Variants in ATF7IP observed in about 807,000 individuals in gnomAD.
ATF7IP encodes the protein activating transcription factor 7 interacting protein.
Under a neutral mutation model 106.4 loss-of-function variants are expected in ATF7IP, and 23 were observed. The ratio of observed to expected loss-of-function variants is 0.22; its 90% CI spans 0.16 to 0.31. ATF7IP has a LOEUF of 0.31. ATF7IP is among the 10% of genes least tolerant of loss of function. The pLI is 1.00. For missense variants in ATF7IP, 1,334 were observed against 1,524.3 expected (o/e 0.88, Z 2.08); for synonymous variants, 542 against 539.0 (o/e 1.01, Z -0.08).
chr12:14,390,112 G>A lies in ATF7IP; in HGVS notation c.-8+24285G>A, dbSNP rs115880195. ...TCCTCTTCACTGAATCACGTTACCTGCGTGGCCTTGGAAGACAGTTCCTTT... is the reference window on the plus strand; with the variant it reads ...TCCTCTTCACTGAATCACGTTACCTACGTGGCCTTGGAAGACAGTTCCTTT... On this transcript the variant is annotated intron_variant, in intron 1 of 14. Coordinates refer to ENST00000261168, the MANE Select transcript of ATF7IP (RefSeq NM_018179.5). 4.3e-3 allele frequency among the ~76,000 whole-genome samples: 659 copies of A among 152,258 alleles called. 3 individuals carry two copies. Among genetic ancestry groups the A allele is most frequent in the African/African-American group, 0.015 (634 of 41,514 alleles).
intron 5 of ATF7IP, among the ~76,000 whole-genome samples, chr12:14,438,942 G>C (rs1055477698): frequency 5.9e-5 from 9 of 152,084 alleles, no homozygotes; most frequent in African/African-American, 2.2e-4. Context: ...GCTATAATAA[G>C]TACTAAATAA....
intron 1 of ATF7IP, among the ~76,000 whole-genome samples, chr12:14,401,805 C>T (rs1364735346): frequency 6.8e-6 from 1 of 147,942 alleles, no homozygotes; most frequent in Non-Finnish European, 1.5e-5. Flanking sequence ...TCTCCACCTC[C>T]TGGGTTCAAG....
At chr12:14,467,427 A>G (rs545288692) in intron 10 of ATF7IP, among the ~76,000 whole-genome samples, 2 of 152,302 alleles carry the variant, frequency 1.3e-5, no homozygotes, top group South Asian at 4.1e-4. Flanking sequence ...GCTATTAAAA[A>G]TATCTTAACT....
At chr12:14,429,759 A>G (rs771518791) in intron 2 of ATF7IP, among the ~76,000 whole-genome samples, 2 of 152,182 alleles carry the variant, frequency 1.3e-5, no homozygotes, top group Non-Finnish European at 2.9e-5. Flanking sequence ...ATCCATTTAT[A>G]TTTAGCTGTT....
chr12:14,473,602 T>C (rs892059796), intron 10 of ATF7IP, among the ~76,000 whole-genome samples: 1 of 152,064 alleles, frequency 6.6e-6, no homozygotes, highest in African/African-American at 2.4e-5. Context: ...TATTTATCCT[T>C]ATGTTTACCT....
intron 13 of ATF7IP, among the ~76,000 whole-genome samples, chr12:14,483,136 C>A (rs1466354991): frequency 2.6e-5 from 4 of 152,192 alleles, no homozygotes; most frequent in Non-Finnish European, 5.9e-5. Flanking sequence ...TCTTCTACTA[C>A]CCATTCTGTG....
intron 1 of ATF7IP, among the ~76,000 whole-genome samples, chr12:14,366,706 T>C (rs1469346876): frequency 6.6e-6 from 1 of 152,242 alleles, no homozygotes; most frequent in African/African-American, 2.4e-5. Flanking sequence ...AATCAACTCA[T>C]TTTCTTAGCA....
chr12:14,493,606 C>T (rs775684178), intron 13 of ATF7IP, among the ~76,000 whole-genome samples: 26 of 152,164 alleles, frequency 1.7e-4, no homozygotes, highest in Non-Finnish European at 3.4e-4. Flanking sequence ...AAAGCTTCAT[C>T]AGAATTTACA....
chr12:14,427,493 G>A (rs958380837), intron 2 of ATF7IP, among the ~76,000 whole-genome samples: 4 of 151,948 alleles, frequency 2.6e-5, no homozygotes, highest in African/African-American at 7.3e-5. Context: ...CGCCTCCTGC[G>A]TAGCTGGGAT....
chr12:14,396,424 T>A (rs894666022), intron 1 of ATF7IP, among the ~76,000 whole-genome samples: 10 of 151,984 alleles, frequency 6.6e-5, no homozygotes, highest in Non-Finnish European at 1.3e-4. Context: ...CTTTTGACAG[T>A]GTTGCTTGGA....
At chr12:14,430,489 T>G (rs1218166428) in intron 2 of ATF7IP, among the ~76,000 whole-genome samples, 1 of 152,242 alleles carries the variant, frequency 6.6e-6, no homozygotes, top group Non-Finnish European at 1.5e-5. Context: ...TGCCATTCTG[T>G]ATTGGTTAAA....
At chr12:14,392,140 G>A (rs1019308513) in intron 1 of ATF7IP, among the ~76,000 whole-genome samples, 1 of 152,060 alleles carries the variant, frequency 6.6e-6, no homozygotes, top group Non-Finnish European at 1.5e-5. Context: ...TTTAAATGAG[G>A]ATAACAAATA....
At chr12:14,478,565 A>G in intron 12 of ATF7IP, 93 bp downstream of exon 12, 1 of 1,428,298 alleles carries the variant, frequency 7.0e-7, no homozygotes, top group Admixed American at 1.9e-5. Context: ...CAGAAAATTA[A>G]TATTCATCTT....
intron 1 of ATF7IP, among the ~76,000 whole-genome samples, chr12:14,410,502 G>A (rs1319220880): frequency 4.6e-5 from 7 of 152,212 alleles, no homozygotes; most frequent in South Asian, 2.1e-4. Flanking sequence ...CAGCTTCAAC[G>A]TGCAAGAGTA....
In ATF7IP at chr12:14,424,264, A is replaced by G. The variant is rs754456317; in HGVS notation, c.349A>G (p.Ile117Val). 17 of 1,614,244 alleles carry G rather than the reference A, an allele frequency of 1.1e-5. No individual in the cohort carries two copies. Among genetic ancestry groups the G allele is most frequent in the Non-Finnish European group, 1.4e-5 (17 of 1,180,044 alleles). ...TTGTGAACCTTTGTCTCCCCATAAT[A>G]TAACTCCAGAACCAGTCTCTAAACT... ...LNCEPLSPHN[I>V]TPEPVSKLPA... Residue 117 changes from isoleucine to valine, a missense_variant, in exon 2 of 15, where the codon ATA becomes GTA. By Grantham distance (29) the Ile-to-Val change is conservative. Around this residue, in one of 10 missense-constraint regions of ATF7IP, gnomAD observed 438 missense variants for 405.3 expected, o/e 1.08. Coordinates refer to ENST00000261168, the MANE Select transcript of ATF7IP (RefSeq NM_018179.5).
At chr12:14,456,534 T>C (rs1943430933) in intron 6 of ATF7IP, 27 bp from the exon 7 acceptor site, 1 of 1,565,820 alleles carries the variant, frequency 6.4e-7, no homozygotes, top group South Asian at 1.1e-5. Context: ...AGTTTTATTT[T>C]TACCTTGATT....
In ATF7IP at chr12:14,500,767, GAA is replaced by G. The variant is rs1217222401; in HGVS notation, c.*2695_*2696del. ...CTTTCATAGCATTATATAATCAGATGAAGAAAGCCCAGTAGAATAAAAAAAAA... is the reference window on the plus strand; with the variant it reads ...CTTTCATAGCATTATATAATCAGATGGAAAGCCCAGTAGAATAAAAAAAAA... On this transcript the variant is annotated 3_prime_UTR_variant, in exon 15 of 15. Transcript: ENST00000261168. The G allele has an allele frequency of 6.6e-6, 1 of 151,800 alleles. No individual in the cohort carries two copies. The highest frequency in any genetic ancestry group is 1.5e-5 in the Non-Finnish European group (1 of 67,952). The allele number at this position is 151,800 out of a possible 1,614,324, so 9.4% of individuals were successfully genotyped here.
chr12:14,384,872 T>TA (rs34249435), intron 1 of ATF7IP, among the ~76,000 whole-genome samples: 98,594 of 135,434 alleles, frequency 0.73, 38,118 homozygotes, highest in East Asian at 0.92. Context: ...CTATAAAAGG[T>TA]AAAAAAAAAA....
chr12:14,399,957 G>A (rs1227146278), intron 1 of ATF7IP, among the ~76,000 whole-genome samples: 9 of 152,058 alleles, frequency 5.9e-5, no homozygotes, highest in African/African-American at 2.2e-4. Flanking sequence ...TTTGTCTTTG[G>A]GATGGTAGCC....
Sources: allele counts gnomAD v4.1 joint callset (sites outside exome capture counted in the v4.1 genomes callset), GRCh38; gene constraint gnomAD v4.1.1; regional missense constraint gnomAD v4.1.1; transcripts MANE v1.5; gene names NCBI Gene and HGNC (gene_info 2026-07-23, HGNC 2026-07-21).